CHRM3: variants seen among roughly 807,000 people sequenced by gnomAD.
CHRM3 encodes cholinergic receptor muscarinic 3.
A neutral mutation model predicts 41.8 loss-of-function variants in CHRM3; 11 were observed. The ratio of observed to expected loss-of-function variants is 0.26; its 90% confidence interval spans 0.17 to 0.44. The LOEUF is 0.44. Ranked by LOEUF, CHRM3 falls within the 20% of genes least tolerant of loss-of-function variation. CHRM3 has a pLI of 1.00. For missense variants in CHRM3, 571 were observed against 745.4 expected (o/e 0.77, Z 2.72); for synonymous variants, 297 against 301.4 (o/e 0.99, Z 0.15).
chr1:239,738,225 G>T (rs1391905433), intron 5 of CHRM3, among the ~76,000 whole-genome samples: 1 of 152,128 alleles, frequency 6.6e-6, no homozygotes, highest in Non-Finnish European at 1.5e-5. Context: ...ACAAGCTTTT[G>T]GTTCCTTCTC....
chr1:239,745,439 C>CAAA (rs113616910), intron 5 of CHRM3, among the ~76,000 whole-genome samples: 5,913 of 143,476 alleles, frequency 0.041, 175 homozygotes, highest in African/African-American at 0.074. Context: ...CTTTTCCTGT[C>CAAA]AAAAAAAAAA....
Position 239,453,046 on chromosome 1 carries a change from C to T in CHRM3, c.-520-39663C>T, listed in dbSNP as rs186743135. ...GGATCTCCTGACCTCGTGATCCGCC[C>T]GCCTCAGCCTCCCAAAGTGCTGGGA... On this transcript the variant is annotated intron_variant, in intron 1 of 6. Coordinates refer to ENST00000676153, the MANE Select transcript of CHRM3 (RefSeq NM_001375978.1). Among the ~76,000 whole-genome samples, 11 of 152,234 alleles carry T rather than the reference C, an allele frequency of 7.2e-5. No homozygotes were observed. The South Asian group carries it at 2.1e-3, about 29-fold the overall frequency.
intron 1 of CHRM3, among the ~76,000 whole-genome samples, chr1:239,444,959 G>A (rs1373008985): frequency 6.6e-6 from 1 of 152,186 alleles, no homozygotes; most frequent in African/African-American, 2.4e-5. Context: ...AAGACAAGAA[G>A]AGAGGAGGAT....
intron 5 of CHRM3, among the ~76,000 whole-genome samples, chr1:239,772,403 G>A (rs952512357): frequency 2.0e-5 from 3 of 152,096 alleles, no homozygotes; most frequent in Admixed American, 6.5e-5. Flanking sequence ...CGGCCACCTC[G>A]GCCTTCCAAA....
chr1:239,652,781 C>T (rs186517297), intron 4 of CHRM3, among the ~76,000 whole-genome samples: 2 of 151,984 alleles, frequency 1.3e-5, no homozygotes, highest in East Asian at 3.9e-4. Flanking sequence ...TATTTTCTTC[C>T]TTCATAGTGT....
At chr1:239,518,940 T>A (rs1669449752) in intron 2 of CHRM3, among the ~76,000 whole-genome samples, 1 of 152,222 alleles carries the variant, frequency 6.6e-6, no homozygotes, top group South Asian at 2.1e-4. Context: ...TTGTGTAAGT[T>A]GGCATTTTTA....
chr1:239,436,544 G>T (rs922635489), intron 1 of CHRM3, among the ~76,000 whole-genome samples: 8 of 151,788 alleles, frequency 5.3e-5, no homozygotes, highest in African/African-American at 1.9e-4. Context: ...TGAATCGCCG[G>T]CTCTGCTTGT....
chr1:239,463,772 T>C (rs998040854), intron 1 of CHRM3, among the ~76,000 whole-genome samples: 16 of 152,332 alleles, frequency 1.1e-4, no homozygotes, highest in African/African-American at 3.6e-4. Flanking sequence ...AGATGTGATA[T>C]GGCAGATGTC....
intron 6 of CHRM3, among the ~76,000 whole-genome samples, chr1:239,845,514 G>T (rs1174433728): frequency 1.3e-5 from 2 of 152,204 alleles, no homozygotes; most frequent in Non-Finnish European, 2.9e-5. Context: ...AGTTCTCTTA[G>T]ATATTGCTTA....
chr1:239,592,796 T>C (rs768825367), intron 3 of CHRM3, among the ~76,000 whole-genome samples: 1 of 152,152 alleles, frequency 6.6e-6, no homozygotes, highest in Non-Finnish European at 1.5e-5. Context: ...TTAGCATTCA[T>C]GTACAAGATT....
intron 2 of CHRM3, among the ~76,000 whole-genome samples, chr1:239,542,742 A>C (rs1280664245): frequency 2.0e-5 from 3 of 152,204 alleles, no homozygotes; most frequent in Non-Finnish European, 4.4e-5. Context: ...GCAACCACTT[A>C]GCGGCCTTCT....
chr1:239,606,711 G>A (rs1572896362), intron 3 of CHRM3, among the ~76,000 whole-genome samples: 1 of 152,212 alleles, frequency 6.6e-6, no homozygotes, highest in Admixed American at 6.5e-5. Context: ...TAAGTTGATT[G>A]TCAAAATTAC....
At chr1:239,475,250 A>T (rs1009381579) in intron 1 of CHRM3, among the ~76,000 whole-genome samples, 20 of 152,158 alleles carry the variant, frequency 1.3e-4, no homozygotes, top group Non-Finnish European at 2.1e-4. Context: ...GACTTGAAGA[A>T]AATAAGAGCT....
chr1:239,691,025 C>G (rs1223266970), intron 5 of CHRM3, among the ~76,000 whole-genome samples: 1 of 151,956 alleles, frequency 6.6e-6, no homozygotes, highest in African/African-American at 2.4e-5. Flanking sequence ...GGTCTCTAGG[C>G]TGGACCAAGG....
chr1:239,786,438 TTATAGA>T (rs1668900376), intron 5 of CHRM3, among the ~76,000 whole-genome samples: 1 of 152,214 alleles, frequency 6.6e-6, no homozygotes, highest in Non-Finnish European at 1.5e-5. Flanking sequence ...GATTCCCATC[TTATAGA>T]TAAGGAAGCT....
intron 5 of CHRM3, among the ~76,000 whole-genome samples, chr1:239,690,500 A>T (rs1659611193): frequency 6.6e-6 from 1 of 152,084 alleles, no homozygotes. Flanking sequence ...AAGTGCTGGG[A>T]TTACAGGTGT....
At chr1:239,767,806 A>G (rs993458812) in intron 5 of CHRM3, among the ~76,000 whole-genome samples, 4 of 152,164 alleles carry the variant, frequency 2.6e-5, no homozygotes, top group Admixed American at 2.6e-4. Flanking sequence ...TGGTTTTCCA[A>G]GCTAAATCCT....
intron 6 of CHRM3, among the ~76,000 whole-genome samples, chr1:239,878,287 A>T (rs1036227109): frequency 6.6e-6 from 1 of 152,188 alleles, no homozygotes; most frequent in African/African-American, 2.4e-5. Context: ...GATGCAAGAC[A>T]GTGACAGATC....
intron 5 of CHRM3, among the ~76,000 whole-genome samples, chr1:239,814,820 TC>T (rs1282558216): frequency 7.9e-5 from 12 of 152,232 alleles, no homozygotes; most frequent in Non-Finnish European, 5.9e-5. Flanking sequence ...TCTTTCTCTG[TC>T]GCCCAGACTA....
Sources: gnomAD v4.1 joint callset for allele counts (sites outside exome capture counted in the v4.1 genomes callset) on GRCh38, gnomAD v4.1.1 for gene constraint, MANE v1.5 for transcripts, NCBI Gene and HGNC (gene_info 2026-07-23, HGNC 2026-07-21) for gene names.